Variants in PTPRT observed in about 807,000 individuals in gnomAD.
The protein encoded by PTPRT is protein tyrosine phosphatase receptor type T, also known as receptor-type tyrosine-protein phosphatase T.
PTPRT carries 56 observed loss-of-function variants against 176.8 expected under a neutral mutation model. That is an observed-to-expected ratio of 0.32 (90% CI 0.26 to 0.40). The LOEUF (loss-of-function observed/expected upper bound fraction) is 0.40. Among genes scored for constraint, PTPRT ranks in the 10% least tolerant of loss-of-function variants. The pLI is 1.00. For missense variants in PTPRT, 1,540 were observed against 1,908.2 expected (o/e 0.81, Z 3.60); for synonymous variants, 783 against 739.0 (o/e 1.06, Z -0.96).
intron 7 of PTPRT, among the ~76,000 whole-genome samples, chr20:42,626,050 C>T (rs1321199578): frequency 5.9e-5 from 9 of 152,028 alleles, no homozygotes; most frequent in East Asian, 3.9e-4. Context: ...AAACACTTTT[C>T]GATATCAGCT....
chr20:42,338,283 G>T (rs562411685), intron 11 of PTPRT, among the ~76,000 whole-genome samples: 2 of 152,334 alleles, frequency 1.3e-5, no homozygotes, highest in Admixed American at 6.5e-5. Flanking sequence ...GGAAGTGATT[G>T]TTTCCCTTCA....
At chr20:43,161,783 C>T (rs75560271) in intron 1 of PTPRT, among the ~76,000 whole-genome samples, 3,575 of 152,206 alleles carry the variant, frequency 0.023, 61 homozygotes, top group South Asian at 0.043. Flanking sequence ...CCTCAGGAGC[C>T]TAACTTTTGC....
chr20:42,909,479 C>T (rs1170428541), intron 1 of PTPRT, among the ~76,000 whole-genome samples: 2 of 152,188 alleles, frequency 1.3e-5, no homozygotes, highest in Non-Finnish European at 2.9e-5. Context: ...ACATATTGCA[C>T]ACAGCCCTTC....
Position 42,946,183 on chromosome 20 carries a change from C to A in PTPRT, c.89-60251G>T, listed in dbSNP as rs187666997. On this transcript the variant is annotated intron_variant, in intron 1 of 30. Transcript: ENST00000373187. The stretch of plus-strand genomic sequence containing the variant: ...CAGACCCACTAAGAAATGGGGACAT[C>A]GGAATCATTGCACCTGGAAATTTTC... Among the ~76,000 whole-genome samples, 52 of 152,220 alleles carry A rather than the reference C, an allele frequency of 3.4e-4. 1 individual carries two copies. In the Middle Eastern group the frequency reaches 0.017, roughly 50 times the overall value.
chr20:42,842,980 G>A (rs112487021), intron 2 of PTPRT, among the ~76,000 whole-genome samples: 5 of 152,136 alleles, frequency 3.3e-5, no homozygotes, highest in South Asian at 2.1e-4. Flanking sequence ...GGCAACATAC[G>A]AATTTGGAAG....
chr20:42,195,035 T>C (rs1256647899), intron 16 of PTPRT, among the ~76,000 whole-genome samples: 1 of 152,012 alleles, frequency 6.6e-6, no homozygotes. Flanking sequence ...GGGATAGCAT[T>C]TGGAGATACA....
chr20:42,217,244 A>G, intron 15 of PTPRT, among the ~76,000 whole-genome samples: 1 of 151,984 alleles, frequency 6.6e-6, no homozygotes, highest in African/African-American at 2.4e-5. Context: ...GTGGTGACAC[A>G]CGCCTGAAGT....
At chr20:42,780,139 G>T in intron 4 of PTPRT, 79 bp downstream of exon 4, 2 of 1,131,782 alleles carry the variant, frequency 1.8e-6, no homozygotes, top group Non-Finnish European at 2.7e-6. Flanking sequence ...TAAGCTGAAT[G>T]AATGGAAGGG....
At position 42,791,158 on chromosome 20, in the gene PTPRT, A is replaced by T. The variant is rs79050644; in HGVS notation, c.486+37T>A. On this transcript the variant is annotated intron_variant, in intron 3 of 30. Coordinates refer to ENST00000373187, the MANE Select transcript of PTPRT (RefSeq NM_007050.6). ...GAGCAAAGGTGTATAGATTTATTAC[A>T]AATTTTCAAAAATAAAACCATGGTA... The T allele has an allele frequency of 9.3e-4, 1,422 of 1,535,100 alleles. 8 individuals are homozygous for T. In the African/African-American group the frequency reaches 0.012, roughly 13 times the overall value.
intron 6 of PTPRT, chr20:42,687,744 T>G (rs2075722708): frequency 6.6e-6 from 1 of 152,112 alleles, no homozygotes; most frequent in Non-Finnish European, 1.5e-5. Context: ...CTATGAAGAA[T>G]GGGGTGAAAG....
chr20:42,669,421 A>T (rs2075375978), intron 7 of PTPRT, among the ~76,000 whole-genome samples: 1 of 152,034 alleles, frequency 6.6e-6, no homozygotes, highest in South Asian at 2.1e-4. Flanking sequence ...TTTCATTTCT[A>T]CTGGCTACTG....
chr20:42,177,190 C>A (rs1990330332), intron 16 of PTPRT, among the ~76,000 whole-genome samples: 1 of 152,132 alleles, frequency 6.6e-6, no homozygotes, highest in South Asian at 2.1e-4. Flanking sequence ...TGAAGTGTGG[C>A]CTGAGAGCCT....
At chr20:43,018,579 G>A (rs373293983) in intron 1 of PTPRT, among the ~76,000 whole-genome samples, 10 of 152,250 alleles carry the variant, frequency 6.6e-5, no homozygotes, top group African/African-American at 2.4e-4. Context: ...GTAAAATGGC[G>A]GGGGGTGGGA....
intron 6 of PTPRT, among the ~76,000 whole-genome samples, chr20:42,679,682 A>C (rs914419886): frequency 2.6e-5 from 4 of 151,526 alleles, no homozygotes; most frequent in African/African-American, 9.7e-5. Flanking sequence ...CCCAATGTAG[A>C]TTCATTTTTC....
intron 17 of PTPRT, among the ~76,000 whole-genome samples, chr20:42,144,034 C>T (rs537156574): frequency 6.6e-6 from 1 of 152,248 alleles, no homozygotes; most frequent in Non-Finnish European, 1.5e-5. Flanking sequence ...TTGAAGAAGC[C>T]CTCAGGCAAA....
chr20:42,095,024 C>T (rs920513443), intron 27 of PTPRT, among the ~76,000 whole-genome samples: 1 of 152,114 alleles, frequency 6.6e-6, no homozygotes, highest in African/African-American at 2.4e-5. Flanking sequence ...CATGCCTGGC[C>T]CTTGATTCCT....
chr20:42,104,508 A>C, intron 25 of PTPRT, 61 bp downstream of exon 25: 10 of 1,498,612 alleles, frequency 6.7e-6, no homozygotes, highest in Non-Finnish European at 9.2e-6. Context: ...CAATCTATGG[A>C]AATTTGTTAT....
At chr20:42,392,433 CA>C (rs11479173) in intron 9 of PTPRT, among the ~76,000 whole-genome samples, 3,447 of 147,038 alleles carry the variant, frequency 0.023, 116 homozygotes, top group African/African-American at 0.078. Flanking sequence ...TGGTATTTCT[CA>C]AAAAAAAAAA....
chr20:42,191,175 TA>T (rs112372647), intron 16 of PTPRT, among the ~76,000 whole-genome samples: 36,886 of 136,804 alleles, frequency 0.27, 5,409 homozygotes, highest in African/African-American at 0.44. Flanking sequence ...CAACCAGAAA[TA>T]AAAAAAAAAA....
Sources: allele counts gnomAD v4.1 joint callset (sites outside exome capture counted in the v4.1 genomes callset), GRCh38; gene constraint gnomAD v4.1.1; transcripts MANE v1.5; gene names NCBI Gene and HGNC (gene_info 2026-07-23, HGNC 2026-07-21).